FNBP1: variants seen among roughly 807,000 people sequenced by gnomAD.
The protein encoded by FNBP1 is formin-binding protein 1.
A neutral mutation model predicts 90.6 loss-of-function variants in FNBP1; 26 were observed. The ratio of observed to expected loss-of-function variants is 0.29; its 90% CI spans 0.21 to 0.40. FNBP1 has a LOEUF of 0.40. Among genes scored for constraint, FNBP1 ranks in the 10% least tolerant of loss-of-function variants. The probability of loss-of-function intolerance (pLI) is 1.00; values close to 1 mark genes in which losing one functional copy is unlikely to be tolerated. For missense variants in FNBP1, 635 were observed against 768.0 expected (o/e 0.83, Z 2.05); for synonymous variants, 260 against 265.2 (o/e 0.98, Z 0.19).
chr9:129,892,166 TA>T (rs2035162881), intron 16 of FNBP1, among the ~76,000 whole-genome samples: 1 of 152,086 alleles, frequency 6.6e-6, no homozygotes, highest in Non-Finnish European at 1.5e-5. Context: ...AGTACAACAT[TA>T]AAACAACTCA....
chr9:129,978,586 G>A lies in FNBP1; in HGVS notation c.224C>T (p.Ser75Phe). The A allele has an allele frequency of 6.2e-7, 1 of 1,613,748 alleles. No homozygotes were observed. Among genetic ancestry groups the A allele is most frequent in the African/African-American group, 1.3e-5 (1 of 74,954 alleles). Reference sequence around the variant, plus strand: ...GTAATCATTCATTTCGTTCAGGTTGGAAATGAAAGCTTTACATGACGTATA... The same window carrying A: ...GTAATCATTCATTTCGTTCAGGTTGAAAATGAAAGCTTTACATGACGTATA... ...YKYTSCKAFISNLNEMNDYAG... is the reference protein window; with the variant it reads ...YKYTSCKAFIFNLNEMNDYAG... The change falls in exon 4 of 17, where the codon TCC becomes TTC. Residue 75 changes from serine to phenylalanine, a missense_variant. Transcript: ENST00000446176.
chr9:129,913,042 C>T (rs1207370294), intron 11 of FNBP1, among the ~76,000 whole-genome samples: 1 of 151,836 alleles, frequency 6.6e-6, no homozygotes, highest in Non-Finnish European at 1.5e-5. Flanking sequence ...CATGGTGAAA[C>T]CCTGTCTCTA....
At chr9:129,948,483 G>A (rs113762109) in intron 6 of FNBP1, among the ~76,000 whole-genome samples, 13,052 of 144,652 alleles carry the variant, frequency 0.09, 705 homozygotes, top group African/African-American at 0.17. Flanking sequence ...TTCTGCCTCC[G>A]CCTCCTGAGT....
At chr9:129,978,781 T>C (rs1226811456) in intron 3 of FNBP1, among the ~76,000 whole-genome samples, 169 bp from the exon 4 acceptor site, 2 of 152,202 alleles carry the variant, frequency 1.3e-5, no homozygotes, top group African/African-American at 4.8e-5. Context: ...GGCTCAGAAT[T>C]AATTACAATT....
chr9:130,025,549 T>C (rs1333241516), intron 1 of FNBP1, among the ~76,000 whole-genome samples: 1 of 152,230 alleles, frequency 6.6e-6, no homozygotes, highest in Non-Finnish European at 1.5e-5. Context: ...TCACACAGTC[T>C]AGTTTATACC....
intron 13 of FNBP1, among the ~76,000 whole-genome samples, chr9:129,901,700 T>C (rs1057339600): frequency 6.6e-6 from 1 of 151,812 alleles, no homozygotes; most frequent in Non-Finnish European, 1.5e-5. Context: ...GCATCTGAGG[T>C]CAGGAGTTCG....
intron 1 of FNBP1, among the ~76,000 whole-genome samples, chr9:130,002,671 T>C (rs1442440203): frequency 6.6e-6 from 1 of 152,116 alleles, no homozygotes; most frequent in African/African-American, 2.4e-5. Context: ...AACAAAGATT[T>C]TTTTCTTTAT....
upstream of FNBP1, chr9:130,043,209 C>G (rs1564647037): frequency 8.5e-6 from 3 of 354,164 alleles, no homozygotes; most frequent in East Asian, 8.2e-5. Flanking sequence ...AGCGCCCGCC[C>G]GCCCTACACC....
chr9:129,892,416 C>CACACACACAA (rs386416323), intron 16 of FNBP1, among the ~76,000 whole-genome samples: 13 of 134,532 alleles, frequency 9.7e-5, no homozygotes, highest in African/African-American at 3.6e-4. Flanking sequence ...CACACACACA[C>CACACACACAA]AAAAAGGTTG....
chr9:129,941,877 C>T (rs116614903), intron 6 of FNBP1, among the ~76,000 whole-genome samples: 173 of 152,226 alleles, frequency 1.1e-3, no homozygotes, highest in African/African-American at 4.1e-3. Context: ...TCAAGACCCC[C>T]CTGGCTGACA....
At position 129,902,983 on chromosome 9, in the gene FNBP1, C is replaced by G; in HGVS notation, c.1314G>C (p.Met438Ile). The G allele has an allele frequency of 6.3e-7, 1 of 1,585,654 alleles. No homozygotes were observed. Among genetic ancestry groups the G allele is most frequent in the South Asian group, 1.1e-5 (1 of 87,938 alleles). Residue 438 changes from methionine to isoleucine, a missense_variant, in exon 13 of 17, where the codon ATG (methionine) becomes ATC (isoleucine). Physicochemically the swap from Met to Ile is conservative, Grantham distance 10. Coordinates refer to ENST00000446176, the MANE Select transcript of FNBP1 (RefSeq NM_015033.3). Reference protein sequence around the residue: ...EMDQRDAITKMKDVYLKNPQM... With the variant: ...EMDQRDAITKIKDVYLKNPQM... Reference sequence around the variant, plus strand: ...GAGGATTCTTTAGGTAGACATCTTTCATTTTTGTTATGGCATCTCTGAAAG... The same window carrying G: ...GAGGATTCTTTAGGTAGACATCTTTGATTTTTGTTATGGCATCTCTGAAAG...
chr9:129,900,218 T>G lies in FNBP1; in HGVS notation c.1551-117A>C. On this transcript the variant is annotated intron_variant, in intron 14 of 16. Transcript: ENST00000446176. The surrounding 1 kb of genome is among the most constrained non-coding windows in gnomAD (Gnocchi z 4.1). ...CCCGCCCCTCAGCGAGTGCTGTAAC[T>G]GAGGCCATGGTAAATCATCGCACGC... The G allele has an allele frequency of 8.0e-7, 1 of 1,244,126 alleles. No individual in the cohort carries two copies. Among genetic ancestry groups the G allele is most frequent in the Non-Finnish European group, 1.1e-6 (1 of 920,432 alleles). The allele number at this position is 1,244,126 out of a possible 1,614,324, so 77.1% of individuals were successfully genotyped here.
intron 10 of FNBP1, among the ~76,000 whole-genome samples, chr9:129,920,568 G>C (rs7030586): frequency 1.6e-3 from 245 of 152,178 alleles, no homozygotes; most frequent in African/African-American, 5.8e-3. Flanking sequence ...CCAAAGTGCT[G>C]GGGTTACAGG....
intron 8 of FNBP1, among the ~76,000 whole-genome samples, 178 bp downstream of exon 8, chr9:129,927,017 C>T (rs1171669470): frequency 6.6e-6 from 1 of 152,024 alleles, no homozygotes; most frequent in Non-Finnish European, 1.5e-5. Context: ...CAATTTACCA[C>T]TTAAATGTGT....
chr9:129,990,389 T>G (rs2052941286), intron 2 of FNBP1, among the ~76,000 whole-genome samples: 1 of 151,456 alleles, frequency 6.6e-6, no homozygotes, highest in South Asian at 2.1e-4. Flanking sequence ...GGAGAGGGAG[T>G]CAGCCACTTG....
intron 10 of FNBP1, 135 bp from the exon 11 acceptor site, chr9:129,916,115 C>T (rs761891917): frequency 5.3e-5 from 34 of 644,078 alleles, no homozygotes; most frequent in African/African-American, 1.1e-4. Flanking sequence ...CACGTCTACC[C>T]GCTGATTTAT....
intron 1 of FNBP1, among the ~76,000 whole-genome samples, chr9:130,024,306 C>T (rs906440415): frequency 1.3e-5 from 2 of 152,000 alleles, no homozygotes; most frequent in African/African-American, 4.8e-5. Flanking sequence ...AAAAAATTAG[C>T]TGGGCGTGGT....
intron 1 of FNBP1, among the ~76,000 whole-genome samples, chr9:130,038,232 G>A (rs1224513402): frequency 6.6e-6 from 1 of 151,480 alleles, no homozygotes; most frequent in Non-Finnish European, 1.5e-5. Flanking sequence ...GCGGGCGCCT[G>A]TAGTCCCAGC....
chr9:129,895,913 T>C lies in FNBP1; in HGVS notation c.1771A>G (p.Ile591Val), dbSNP rs369400982. 7 of 1,613,836 alleles carry C rather than the reference T, an allele frequency of 4.3e-6. No homozygotes were observed. The highest frequency in any genetic ancestry group is 4.5e-5 in the East Asian group (2 of 44,896). The stretch of plus-strand genomic sequence containing the variant: ...CCCTCTTCATCTTCATTTCTCCGAA[T>C]GCGGGTCCAGCCATCGCCTTTGTCT... ...EEDKGDGWTR[I>V]RRNEDEEGYV... The change falls in exon 16 of 17, where the codon ATT (isoleucine) becomes GTT (valine). Residue 591 changes from isoleucine to valine, a missense_variant. Physicochemically the swap from Ile to Val is conservative, Grantham distance 29. Coordinates refer to ENST00000446176, the MANE Select transcript of FNBP1 (RefSeq NM_015033.3).
Sources: gnomAD v4.1 joint callset for allele counts (sites outside exome capture counted in the v4.1 genomes callset) on GRCh38, gnomAD v4.1.1 for gene constraint, Gnocchi (gnomAD v3.1) non-coding constraint, MANE v1.5 for transcripts, NCBI Gene and HGNC (gene_info 2026-07-23, HGNC 2026-07-21) for gene names.